CTNND2: variants seen among roughly 807,000 people sequenced by gnomAD.
The protein encoded by CTNND2 is catenin delta-2.
CTNND2 carries 22 observed loss-of-function variants against 144.4 expected under a neutral mutation model. That is an observed-to-expected ratio of 0.15 (90% CI 0.11 to 0.22). The LOEUF (loss-of-function observed/expected upper bound fraction) is 0.22. Among genes scored for constraint, CTNND2 ranks in the 10% least tolerant of loss-of-function variants. CTNND2 has a pLI of 1.00. For missense variants in CTNND2, 1,353 were observed against 1,618.8 expected (o/e 0.84, Z 2.82); for synonymous variants, 751 against 695.6 (o/e 1.08, Z -1.25).
intron 2 of CTNND2, among the ~76,000 whole-genome samples, chr5:11,676,283 C>T (rs1001761312): frequency 6.6e-5 from 10 of 152,054 alleles, no homozygotes; most frequent in African/African-American, 1.9e-4. Flanking sequence ...TATTGTCTCC[C>T]TTTCTATGTC....
Position 11,021,698 on chromosome 5 carries a change from TG to T in CTNND2, c.2999+1070del, listed in dbSNP as rs1742273830. ...AAACTCCGAATCTTCTATAATACAT[TG>T]GTACTATCCTGAATTAAGTGAAATA... On this transcript the variant is annotated intron_variant, in intron 17 of 21. Transcript: ENST00000304623. 2.0e-5 allele frequency among the ~76,000 whole-genome samples: 3 copies of T among 152,044 alleles called. No individual in the cohort carries two copies. The South Asian group carries it at 6.2e-4, about 32-fold the overall frequency.
At chr5:11,472,255 C>T (rs191563657) in intron 3 of CTNND2, among the ~76,000 whole-genome samples, 4 of 152,246 alleles carry the variant, frequency 2.6e-5, no homozygotes, top group East Asian at 1.9e-4. Flanking sequence ...GAGATAACCA[C>T]GAATATCTTT....
At chr5:11,501,443 A>C (rs905074170) in intron 3 of CTNND2, among the ~76,000 whole-genome samples, 1 of 152,202 alleles carries the variant, frequency 6.6e-6, no homozygotes, top group African/African-American at 2.4e-5. Flanking sequence ...CTCTCACCTG[A>C]CCAGTGACCA....
At chr5:11,197,742 A>T (rs576307448) in intron 11 of CTNND2, among the ~76,000 whole-genome samples, 3 of 152,184 alleles carry the variant, frequency 2.0e-5, no homozygotes, top group Non-Finnish European at 2.9e-5. Flanking sequence ...GATAAGACAC[A>T]TGCTGCAGAA....
At chr5:11,377,935 TAGGC>T (rs1758100370) in intron 7 of CTNND2, among the ~76,000 whole-genome samples, 1 of 152,148 alleles carries the variant, frequency 6.6e-6, no homozygotes. Flanking sequence ...TCTGGACCCG[TAGGC>T]AGATGAATGC....
intron 2 of CTNND2, among the ~76,000 whole-genome samples, chr5:11,684,258 C>T (rs780415114): frequency 4.0e-5 from 6 of 151,842 alleles, no homozygotes; most frequent in African/African-American, 7.3e-5. Context: ...CTCGCCACCA[C>T]GCCTGGCTAA....
intron 1 of CTNND2, among the ~76,000 whole-genome samples, chr5:11,887,249 C>A (rs1262970522): frequency 6.6e-6 from 1 of 152,084 alleles, no homozygotes; most frequent in African/African-American, 2.4e-5. Context: ...TCCCAAAGTG[C>A]TGGGATTACA....
At chr5:11,472,377 T>G (rs1223454101) in intron 3 of CTNND2, among the ~76,000 whole-genome samples, 1 of 152,220 alleles carries the variant, frequency 6.6e-6, no homozygotes, top group Non-Finnish European at 1.5e-5. Flanking sequence ...TAATTTTACT[T>G]CTCATTAATC....
chr5:11,265,872 C>T (rs1407964933), intron 9 of CTNND2, among the ~76,000 whole-genome samples: 1 of 151,768 alleles, frequency 6.6e-6, no homozygotes, highest in East Asian at 1.9e-4. Context: ...CCACCATGCT[C>T]AGGTAATTTT....
Position 11,449,691 on chromosome 5 carries a change from ATTTC to A in CTNND2, c.288-37626_288-37623del, listed in dbSNP as rs766399351. Reference sequence around the variant, plus strand: ...GTTACTTGAAGATGAAAGAATCCTGATTTCTTTTTTAGATGTCCCTTATTTCTAT... The same window carrying A: ...GTTACTTGAAGATGAAAGAATCCTGATTTTTTAGATGTCCCTTATTTCTAT... On this transcript the variant is annotated intron_variant, in intron 3 of 21. Coordinates refer to ENST00000304623, the MANE Select transcript of CTNND2 (RefSeq NM_001332.4). 3.3e-5 allele frequency among the ~76,000 whole-genome samples: 5 copies of A among 152,302 alleles called. No homozygotes were observed. The South Asian group carries it at 1.0e-3, about 32-fold the overall frequency.
intron 2 of CTNND2, among the ~76,000 whole-genome samples, chr5:11,653,917 G>A (rs1048147168): frequency 1.3e-4 from 20 of 151,944 alleles, no homozygotes; most frequent in African/African-American, 4.6e-4. Context: ...TGATTTTTAT[G>A]TATGGTTTAA....
At chr5:11,877,124 T>C (rs1411573024) in intron 1 of CTNND2, among the ~76,000 whole-genome samples, 1 of 152,156 alleles carries the variant, frequency 6.6e-6, no homozygotes, top group African/African-American at 2.4e-5. Flanking sequence ...TCAGTATTAT[T>C]TAGCCTAAGA....
intron 1 of CTNND2, among the ~76,000 whole-genome samples, chr5:11,850,085 CAG>C (rs1391130406): frequency 3.9e-5 from 6 of 152,096 alleles, no homozygotes; most frequent in East Asian, 3.9e-4. Context: ...AATAAAAAAA[CAG>C]AATAATAATA....
intron 10 of CTNND2, among the ~76,000 whole-genome samples, chr5:11,206,344 C>T (rs774226390): frequency 6.6e-6 from 1 of 152,188 alleles, no homozygotes. Flanking sequence ...ACACCCTCCA[C>T]AAACACACTT....
chr5:11,121,346 C>T (rs991979974), intron 12 of CTNND2, among the ~76,000 whole-genome samples: 1 of 152,182 alleles, frequency 6.6e-6, no homozygotes, highest in East Asian at 1.9e-4. Flanking sequence ...TTCTGCCCAT[C>T]ATGAGGAAGG....
chr5:11,451,136 A>T (rs1031055047), intron 3 of CTNND2, among the ~76,000 whole-genome samples: 2 of 151,978 alleles, frequency 1.3e-5, no homozygotes, highest in African/African-American at 4.8e-5. Flanking sequence ...TATATATATA[A>T]AATACGAATA....
Position 11,384,445 on chromosome 5 carries a change from A to G in CTNND2, c.1177+220T>C. The G allele has an allele frequency of 1.7e-6, 1 of 579,106 alleles. No individual in the cohort carries two copies. Among genetic ancestry groups the G allele is most frequent in the Non-Finnish European group, 3.1e-6 (1 of 326,840 alleles). 35.9% of individuals were successfully genotyped at this position (579,106 alleles called of 1,614,324 possible). On this transcript the variant is annotated intron_variant, in intron 7 of 21. Coordinates refer to ENST00000304623, the MANE Select transcript of CTNND2 (RefSeq NM_001332.4). This position sits in a 1 kb window ranked among gnomAD's most constrained non-coding sequence, Gnocchi z 5.2. ...GAGAGAAGAGAGTGATATAGGTGTT[A>G]GAGATTGAGACACCACATTACTCCG...
chr5:11,184,135 C>T (rs1252664407), intron 11 of CTNND2, among the ~76,000 whole-genome samples: 1 of 152,144 alleles, frequency 6.6e-6, no homozygotes, highest in Admixed American at 6.6e-5. Flanking sequence ...GATTTCCATG[C>T]ATATTACTGC....
At chr5:11,835,123 C>T (rs1794106473) in intron 1 of CTNND2, among the ~76,000 whole-genome samples, 1 of 152,178 alleles carries the variant, frequency 6.6e-6, no homozygotes, top group African/African-American at 2.4e-5. Context: ...GAGCAACAGA[C>T]TGCAACTACC....
Sources: gnomAD v4.1 joint callset for allele counts (sites outside exome capture counted in the v4.1 genomes callset) on GRCh38, gnomAD v4.1.1 for gene constraint, Gnocchi (gnomAD v3.1) non-coding constraint, MANE v1.5 for transcripts, NCBI Gene and HGNC (gene_info 2026-07-23, HGNC 2026-07-21) for gene names.